The following ZBTB7C variants were observed in gnomAD, a reference collection of about 807,000 sequenced individuals.
ZBTB7C encodes zinc finger and BTB domain containing 7C, also known as zinc finger and BTB domain-containing protein 7C.
A neutral mutation model predicts 25.7 loss-of-function variants in ZBTB7C; 8 were observed. That is an observed-to-expected ratio of 0.31 (90% confidence interval 0.18 to 0.56). ZBTB7C has a LOEUF of 0.56. ZBTB7C is among the 20% of genes least tolerant of loss of function. The pLI is 0.91. For synonymous variants in ZBTB7C, 394 were observed against 369.0 expected (o/e 1.07, Z -0.78); for missense variants, 824 against 855.2 (o/e 0.96, Z 0.46).
At chr18:48,159,561 C>G (rs2040938493) in intron 3 of ZBTB7C, among the ~76,000 whole-genome samples, 1 of 152,230 alleles carries the variant, frequency 6.6e-6, no homozygotes, top group African/African-American at 2.4e-5. Context: ...TCTGTGTCCA[C>G]AGATGGTGCA....
chr18:48,228,048 C>G (rs534941464), intron 2 of ZBTB7C, among the ~76,000 whole-genome samples: 1 of 152,146 alleles, frequency 6.6e-6, no homozygotes, highest in African/African-American at 2.4e-5. Flanking sequence ...GATGGAGAGG[C>G]CGCCCCACCT....
At chr18:48,410,379 G>C (rs917282712), upstream of ZBTB7C, among the ~76,000 whole-genome samples, 9 of 152,228 alleles carry the variant, frequency 5.9e-5, no homozygotes, top group East Asian at 1.7e-3. Flanking sequence ...GGGTCGGCCT[G>C]GAAGGCGGCC....
Position 48,029,569 on chromosome 18 carries a change from G to A in ZBTB7C, c.1551C>T (p.His517=). The A allele has an allele frequency of 1.3e-6, 2 of 1,507,668 alleles. No homozygotes were observed. The highest frequency in any genetic ancestry group is 8.7e-7 in the Non-Finnish European group (1 of 1,142,946). 93.4% of individuals were successfully genotyped at this position (1,507,668 alleles called of 1,614,324 possible). A position where few individuals can be genotyped will look rare whatever the true frequency, so the allele number is the denominator to read the frequency against. Residue 517 remains histidine, a synonymous_variant, in exon 5 of 5, where the codon CAC becomes CAT. Transcript: ENST00000590800. ...MPPALGEVGG[H]LGGAAVCLPG... ...GGAGGCACACAGCTGCGCCGCCCAG[G>A]TGGCCGCCCACCTCGCCCAGCGCAG...
chr18:48,359,977 T>C (rs188035019), intron 1 of ZBTB7C, among the ~76,000 whole-genome samples: 104 of 152,292 alleles, frequency 6.8e-4, no homozygotes, highest in African/African-American at 2.4e-3. Flanking sequence ...GTTGCTTCCA[T>C]AGGCCCAGCC....
intron 2 of ZBTB7C, among the ~76,000 whole-genome samples, chr18:48,317,735 G>T (rs375194509): frequency 1.3e-5 from 2 of 152,176 alleles, no homozygotes; most frequent in East Asian, 3.8e-4. Context: ...CCCAGGTCCT[G>T]CAGCTATTGA....
At chr18:48,279,965 G>C (rs1046490963) in intron 2 of ZBTB7C, among the ~76,000 whole-genome samples, 4 of 152,232 alleles carry the variant, frequency 2.6e-5, no homozygotes, top group Non-Finnish European at 5.9e-5. Context: ...GAAATAGGTA[G>C]GATGCAAAAG....
intron 2 of ZBTB7C, among the ~76,000 whole-genome samples, chr18:48,247,418 T>A (rs536118629): frequency 6.6e-6 from 1 of 152,366 alleles, no homozygotes; most frequent in Admixed American, 6.5e-5. Flanking sequence ...CCTGGAGAGT[T>A]AAATCAGCCA....
chr18:48,392,821 C>T (rs896775253), intron 1 of ZBTB7C, among the ~76,000 whole-genome samples: 7 of 152,160 alleles, frequency 4.6e-5, no homozygotes, highest in African/African-American at 1.7e-4. Context: ...CCTTTCTGAC[C>T]TCTTCCTCCA....
At chr18:48,194,931 C>T (rs904741639) in intron 2 of ZBTB7C, among the ~76,000 whole-genome samples, 5 of 152,124 alleles carry the variant, frequency 3.3e-5, no homozygotes, top group Admixed American at 2.6e-4. Flanking sequence ...ATCCCCATCC[C>T]TGCTTCCCCT....
chr18:48,197,841 G>A (rs1242234635), intron 2 of ZBTB7C, among the ~76,000 whole-genome samples: 1 of 152,104 alleles, frequency 6.6e-6, no homozygotes, highest in Non-Finnish European at 1.5e-5. Context: ...TTCAACATAA[G>A]AATTATAGAG....
At chr18:48,387,921 G>C (rs1478546498) in intron 1 of ZBTB7C, among the ~76,000 whole-genome samples, 1 of 152,062 alleles carries the variant, frequency 6.6e-6, no homozygotes, top group Non-Finnish European at 1.5e-5. Flanking sequence ...CCGCTTCCTG[G>C]GTTCAAGCGA....
At chr18:48,277,706 G>T (rs886206416) in intron 2 of ZBTB7C, among the ~76,000 whole-genome samples, 1 of 152,196 alleles carries the variant, frequency 6.6e-6, no homozygotes, top group African/African-American at 2.4e-5. Context: ...TCACAGTCAC[G>T]CTGGAGGCTC....
chr18:48,255,561 AAATCTCT>A (rs2043997024), intron 2 of ZBTB7C, among the ~76,000 whole-genome samples: 1 of 152,212 alleles, frequency 6.6e-6, no homozygotes. Flanking sequence ...TATAATAGTC[AAATCTCT>A]AAATAGGGAA....
chr18:48,073,574 A>C (rs2037638574), intron 3 of ZBTB7C, among the ~76,000 whole-genome samples: 1 of 152,164 alleles, frequency 6.6e-6, no homozygotes. Context: ...TCTGGGCCAA[A>C]GGATTAAAAC....
rs532523561 is a variant in ZBTB7C, at chr18:48,080,364, A to C, written c.-16-39241T>G. Among the ~76,000 whole-genome samples, 114 of 151,754 alleles carry C rather than the reference A, an allele frequency of 7.5e-4. 1 individual carries two copies. The highest frequency in any genetic ancestry group is 2.5e-3 in the African/African-American group (104 of 41,412). ...GTGTTCACTTGTACCCTCTCATTTC[A>C]CATCCTTATTTCTCTGTGGGTCCCA... On this transcript the variant is annotated intron_variant, in intron 3 of 4. Coordinates refer to ENST00000590800, the MANE Select transcript of ZBTB7C (RefSeq NM_001318841.2).
intron 1 of ZBTB7C, among the ~76,000 whole-genome samples, chr18:48,398,771 G>A (rs945823095): frequency 6.6e-6 from 1 of 152,052 alleles, no homozygotes; most frequent in Non-Finnish European, 1.5e-5. Flanking sequence ...CACATAGTGG[G>A]AGCTCAGGAA....
chr18:48,389,218 CTCTCTCTCTCTCTCTCTCGTGTGT>C (rs2047825112), intron 1 of ZBTB7C, among the ~76,000 whole-genome samples: 2 of 126,826 alleles, frequency 1.6e-5, no homozygotes, highest in Non-Finnish European at 3.3e-5. Context: ...CTCTCTCTCT[CTCTCTCTCTCTCTCTCTCGTGTGT>C]GTGTGTGTGT....
At chr18:48,385,305 T>C (rs2047723519) in intron 1 of ZBTB7C, among the ~76,000 whole-genome samples, 1 of 152,218 alleles carries the variant, frequency 6.6e-6, no homozygotes, top group South Asian at 2.1e-4. Context: ...CAAAAGTATT[T>C]TTATAGGCCA....
intron 3 of ZBTB7C, among the ~76,000 whole-genome samples, chr18:48,115,467 T>C (rs2039400781): frequency 6.6e-6 from 1 of 152,088 alleles, no homozygotes; most frequent in Non-Finnish European, 1.5e-5. Context: ...CTCGATCTCC[T>C]GACCTCGAGA....
Sources: allele counts gnomAD v4.1 joint callset (sites outside exome capture counted in the v4.1 genomes callset), GRCh38; gene constraint gnomAD v4.1.1; transcripts MANE v1.5; gene names NCBI Gene and HGNC (gene_info 2026-07-23, HGNC 2026-07-21).